Variants in XRCC4 observed in about 807,000 individuals in gnomAD.
The protein encoded by XRCC4 is DNA repair protein XRCC4.
In XRCC4, 28 loss-of-function variants were observed where a neutral mutation model predicts 39.1. The ratio of observed to expected loss-of-function variants is 0.72; its 90% CI spans 0.53 to 0.98. The LOEUF (loss-of-function observed/expected upper bound fraction) is 0.98. Ranked by LOEUF, XRCC4 falls within the 50% of genes least tolerant of loss-of-function variation. The pLI is 0.00. For missense variants in XRCC4, 350 were observed against 376.4 expected (o/e 0.93, Z 0.58); for synonymous variants, 123 against 126.4 (o/e 0.97, Z 0.18).
intron 3 of XRCC4, among the ~76,000 whole-genome samples, chr5:83,134,534 A>G (rs1747784893): frequency 6.6e-6 from 1 of 152,164 alleles, no homozygotes; most frequent in African/African-American, 2.4e-5. Context: ...AGCTCTCTGT[A>G]AAACGTACCA....
chr5:83,354,165 A>G (rs1336074991), downstream of XRCC4, among the ~76,000 whole-genome samples: 1 of 152,202 alleles, frequency 6.6e-6, no homozygotes, highest in Non-Finnish European at 1.5e-5. Context: ...TAAGCCTCTC[A>G]GCACATTTGA....
intron 6 of XRCC4, among the ~76,000 whole-genome samples, chr5:83,230,435 C>A (rs191439863): frequency 6.6e-6 from 1 of 152,062 alleles, no homozygotes; most frequent in African/African-American, 2.4e-5. Flanking sequence ...TAAATAATTT[C>A]TTTATGGCAT....
Position 83,353,534 on chromosome 5 carries a change from T to C in XRCC4, c.*292T>C, listed in dbSNP as rs1398019098. The C allele has an allele frequency of 5.0e-6, 1 of 201,048 alleles. No individual in the cohort carries two copies. The highest frequency in any genetic ancestry group is 9.9e-6 in the Non-Finnish European group (1 of 100,828). 12.5% of individuals were successfully genotyped at this position (201,048 alleles called of 1,614,324 possible). A position where few individuals can be genotyped will look rare whatever the true frequency, so the allele number is the denominator to read the frequency against. ...CACATTTATCATATTCATTCACACA[T>C]ATTATATGTGATAGCTGTCCAACAT... On this transcript the variant is annotated 3_prime_UTR_variant, in exon 8 of 8. Transcript: ENST00000396027.
In XRCC4 at chr5:83,347,024, T is replaced by G. The variant is rs564005937; in HGVS notation, c.894-6107T>G. Reference sequence around the variant, plus strand: ...AAAATATGATAAATATGCTAAGATATATGTATAAGGATACTAATTGTCTAG... The same window carrying G: ...AAAATATGATAAATATGCTAAGATAGATGTATAAGGATACTAATTGTCTAG... On this transcript the variant is annotated intron_variant, in intron 7 of 7. Coordinates refer to ENST00000396027, the MANE Select transcript of XRCC4 (RefSeq NM_003401.5). Among the ~76,000 whole-genome samples, 3 of 152,180 alleles carry G rather than the reference T, an allele frequency of 2.0e-5. No individual in the cohort carries two copies. In the East Asian group the frequency reaches 5.8e-4, roughly 29 times the overall value.
At chr5:83,081,291 A>T (rs1744929238) in intron 1 of XRCC4, among the ~76,000 whole-genome samples, 1 of 152,042 alleles carries the variant, frequency 6.6e-6, no homozygotes, top group South Asian at 2.1e-4. Flanking sequence ...TTTTTCATTC[A>T]CTGTTATTCA....
At chr5:83,313,530 T>C (rs536993535) in intron 7 of XRCC4, among the ~76,000 whole-genome samples, 16 of 152,258 alleles carry the variant, frequency 1.1e-4, no homozygotes, top group African/African-American at 3.6e-4. Flanking sequence ...TACAGCATGA[T>C]TTACTCAATA....
At chr5:83,217,151 C>T in intron 6 of XRCC4, among the ~76,000 whole-genome samples, 1 of 151,906 alleles carries the variant, frequency 6.6e-6, no homozygotes, top group East Asian at 1.9e-4. Flanking sequence ...GCCAGGAGTT[C>T]AAGACCAGCC....
chr5:83,253,446 T>C (rs1430110668), intron 6 of XRCC4, among the ~76,000 whole-genome samples: 2 of 152,046 alleles, frequency 1.3e-5, no homozygotes, highest in African/African-American at 4.8e-5. Flanking sequence ...TTCTATAAGC[T>C]ACATTGCCAC....
At chr5:83,330,445 C>A (rs1756401370) in intron 7 of XRCC4, among the ~76,000 whole-genome samples, 1 of 151,898 alleles carries the variant, frequency 6.6e-6, no homozygotes, top group Non-Finnish European at 1.5e-5. Context: ...AGAACACTAG[C>A]TACAGTGATT....
chr5:83,309,296 A>AAAATATATATATATAT (rs1561467702), intron 7 of XRCC4, among the ~76,000 whole-genome samples: 1 of 72,232 alleles, frequency 1.4e-5, no homozygotes, highest in Non-Finnish European at 2.1e-5. Context: ...AAAAAAAAAA[A>AAAATATATATATATAT]ATATATATAT....
rs140092765 is a variant in XRCC4 at position 83,188,824 on chromosome 5, G to C, written c.316-6946G>C. Among the ~76,000 whole-genome samples the C allele has an allele frequency of 4.9e-3, 741 of 152,248 alleles. 8 individuals carry two copies. Among genetic ancestry groups the C allele is most frequent in the African/African-American group, 0.017 (709 of 41,544 alleles). On this transcript the variant is annotated intron_variant, in intron 3 of 7. Transcript: ENST00000396027. ...TAGAGTTAAATAAGAAGAGGGCCAAGGAATTATTCCAGGAAACAATACTGT... is the reference window on the plus strand; with the variant it reads ...TAGAGTTAAATAAGAAGAGGGCCAACGAATTATTCCAGGAAACAATACTGT...
chr5:83,120,175 C>T (rs887862082), intron 3 of XRCC4, among the ~76,000 whole-genome samples: 4 of 152,126 alleles, frequency 2.6e-5, no homozygotes, highest in Admixed American at 6.5e-5. Flanking sequence ...CTTCATCAAG[C>T]GCACTTGGTA....
chr5:83,244,679 T>A (rs1002205720), intron 6 of XRCC4, among the ~76,000 whole-genome samples: 6 of 152,162 alleles, frequency 3.9e-5, no homozygotes, highest in Non-Finnish European at 8.8e-5. Context: ...GCCTCTTTAG[T>A]TGAATGAGGT....
intron 6 of XRCC4, among the ~76,000 whole-genome samples, chr5:83,255,312 A>G (rs763532569): frequency 1.1e-3 from 165 of 152,318 alleles, no homozygotes; most frequent in African/African-American, 3.8e-3. Flanking sequence ...ATGGTTTGCT[A>G]TTACATTTAT....
intron 7 of XRCC4, among the ~76,000 whole-genome samples, chr5:83,308,975 T>C (rs945552797): frequency 2.6e-5 from 4 of 151,954 alleles, no homozygotes; most frequent in African/African-American, 9.7e-5. Context: ...TTAGAGAATA[T>C]CATCCATAGA....
intron 3 of XRCC4, among the ~76,000 whole-genome samples, chr5:83,179,396 A>C (rs1430563015): frequency 6.6e-6 from 1 of 152,210 alleles, no homozygotes; most frequent in Non-Finnish European, 1.5e-5. Context: ...TACTTGGTTT[A>C]TCTTTGAAAA....
At chr5:83,124,798 A>G (rs1747179430) in intron 3 of XRCC4, among the ~76,000 whole-genome samples, 1 of 152,196 alleles carries the variant, frequency 6.6e-6, no homozygotes, top group African/African-American at 2.4e-5. Flanking sequence ...AATGACTCAA[A>G]TATTTACCTT....
intron 3 of XRCC4, among the ~76,000 whole-genome samples, chr5:83,176,401 C>T (rs568316658): frequency 1.2e-3 from 185 of 152,036 alleles, no homozygotes; most frequent in African/African-American, 4.3e-3. Flanking sequence ...CTCTTATGTA[C>T]CCATAAAAAT....
chr5:83,148,581 A>G (rs1748564975), intron 3 of XRCC4, among the ~76,000 whole-genome samples: 1 of 152,128 alleles, frequency 6.6e-6, no homozygotes, highest in Admixed American at 6.6e-5. Context: ...CAGATATGAC[A>G]TCATTCACTA....
Sources: allele counts gnomAD v4.1 joint callset (sites outside exome capture counted in the v4.1 genomes callset), GRCh38; gene constraint gnomAD v4.1.1; transcripts MANE v1.5; gene names NCBI Gene and HGNC (gene_info 2026-07-23, HGNC 2026-07-21).